Variants in NCOA2 observed in about 807,000 individuals in gnomAD.
NCOA2 encodes nuclear receptor coactivator 2.
NCOA2 carries 21 observed loss-of-function variants against 145.1 expected under a neutral mutation model. The observed-to-expected ratio is 0.14, with a 90% CI of 0.10 to 0.21. The LOEUF (loss-of-function observed/expected upper bound fraction) is 0.21, where lower values mean the gene tolerates loss of function less well. NCOA2 is among the 10% of genes least tolerant of loss of function. NCOA2 has a pLI of 1.00. For missense variants in NCOA2, 1,472 were observed against 1,837.6 expected (o/e 0.80, Z 3.64); for synonymous variants, 619 against 637.5 (o/e 0.97, Z 0.44).
At chr8:70,419,528 T>C in the NCOA2 span, among the ~76,000 whole-genome samples, 1 of 152,074 alleles carries the variant, frequency 6.6e-6, no homozygotes, top group Non-Finnish European at 1.5e-5. Context: ...GCTCTTTTAC[T>C]TTTTTTGCCC....
the NCOA2 span, among the ~76,000 whole-genome samples, chr8:70,433,212 A>G: frequency 6.6e-6 from 1 of 152,232 alleles, no homozygotes; most frequent in African/African-American, 2.4e-5. Context: ...AAGAACATGC[A>G]AGTCTGTAGA....
chr8:70,415,915 T>A, the NCOA2 span, among the ~76,000 whole-genome samples: 1 of 152,248 alleles, frequency 6.6e-6, no homozygotes, highest in Non-Finnish European at 1.5e-5. Flanking sequence ...ATATTCATAA[T>A]GTATTTCTTC....
Position 70,243,791 on chromosome 8 carries a change from G to GAAAAA in NCOA2, c.-19-27032_-19-27028dup, listed in dbSNP as rs200949977. Among the ~76,000 whole-genome samples the GAAAAA allele has an allele frequency of 6.0e-3, 599 of 99,510 alleles. 10 individuals carry two copies. The highest frequency in any genetic ancestry group is 0.019 in the Middle Eastern group (3 of 162). 65.3% of individuals were successfully genotyped at this position (99,510 alleles called of 152,430 possible). A position where few individuals can be genotyped will look rare whatever the true frequency, so the allele number is the denominator to read the frequency against. On this transcript the variant is annotated intron_variant, in intron 2 of 22. Transcript: ENST00000452400. Reference sequence around the variant, plus strand: ...GAAAGAGCAGTGAAAATAAAAAATGGAAAAAAAAAAAAAAAAAGAATGTGG... The same window carrying GAAAAA: ...GAAAGAGCAGTGAAAATAAAAAATGGAAAAAAAAAAAAAAAAAAAAAAGAATGTGG...
At chr8:70,170,104 T>C (rs758610035) in intron 6 of NCOA2, 98 bp downstream of exon 6, 8 of 1,135,616 alleles carry the variant, frequency 7.0e-6, no homozygotes, top group Non-Finnish European at 1.0e-5. Context: ...TGATATAATA[T>C]AGTTTTATTT....
intron 4 of NCOA2, among the ~76,000 whole-genome samples, chr8:70,196,551 C>T (rs939633537): frequency 2.0e-5 from 3 of 152,122 alleles, no homozygotes; most frequent in Non-Finnish European, 4.4e-5. Context: ...CTTCCTTAAC[C>T]TATAATGCCT....
intron 1 of NCOA2, among the ~76,000 whole-genome samples, chr8:70,402,975 C>A (rs1365272410): frequency 6.9e-6 from 1 of 144,478 alleles, no homozygotes; most frequent in East Asian, 2.0e-4. Context: ...GTGCTCGGCG[C>A]CCCTCGCCCC....
intron 2 of NCOA2, among the ~76,000 whole-genome samples, chr8:70,224,707 T>TA (rs1181510622): frequency 6.6e-6 from 1 of 152,038 alleles, no homozygotes; most frequent in East Asian, 1.9e-4. Flanking sequence ...CTTTGAGTCT[T>TA]AGTTTTCACA....
At chr8:70,417,202 G>A in the NCOA2 span, among the ~76,000 whole-genome samples, 2 of 137,716 alleles carry the variant, frequency 1.5e-5, no homozygotes, top group South Asian at 2.4e-4. Flanking sequence ...GAGGCCAGGA[G>A]CTTGAGATCA....
At chr8:70,417,245 T>TAAAA in the NCOA2 span, among the ~76,000 whole-genome samples, 138 of 77,990 alleles carry the variant, frequency 1.8e-3, 11 homozygotes, top group African/African-American at 0.012. Context: ...TCGTCTCTAT[T>TAAAA]AAAAAAAAAA....
chr8:70,227,975 A>C (rs1030743478), intron 2 of NCOA2, among the ~76,000 whole-genome samples: 18 of 144,940 alleles, frequency 1.2e-4, no homozygotes, highest in African/African-American at 4.6e-4. Flanking sequence ...ATTGCACTCC[A>C]GCCTGGGCGA....
At chr8:70,434,697 A>G in the NCOA2 span, among the ~76,000 whole-genome samples, 495 of 152,186 alleles carry the variant, frequency 3.3e-3, 1 homozygote, top group Non-Finnish European at 6.0e-3. Context: ...GCCTCCAAGT[A>G]GCTAGAACTA....
intron 1 of NCOA2, among the ~76,000 whole-genome samples, chr8:70,335,125 A>AAAG: frequency 1.0e-5 from 1 of 98,194 alleles, no homozygotes; most frequent in Non-Finnish European, 1.8e-5. Context: ...TCCATCTCAA[A>AAAG]AAAAAAAAAA....
chr8:70,160,500 TA>T (rs397948517), intron 9 of NCOA2, among the ~76,000 whole-genome samples: 2 of 151,038 alleles, frequency 1.3e-5, no homozygotes, highest in East Asian at 1.9e-4. Context: ...TCAATTCAGT[TA>T]AAAAAAAAGA....
chr8:70,146,933 G>T (rs1469611588), intron 12 of NCOA2, among the ~76,000 whole-genome samples: 1 of 151,666 alleles, frequency 6.6e-6, no homozygotes, highest in Middle Eastern at 3.4e-3. Context: ...TCAGGTGATC[G>T]ACCTGCCTCA....
chr8:70,139,781 T>A (rs1810170935), intron 14 of NCOA2, among the ~76,000 whole-genome samples: 1 of 150,682 alleles, frequency 6.6e-6, no homozygotes, highest in Admixed American at 6.7e-5. Context: ...ACCTCCTGAG[T>A]AGCTGGGATT....
At chr8:70,166,508 G>T (rs949618143) in intron 7 of NCOA2, 58 bp downstream of exon 7, 85 of 1,562,872 alleles carry the variant, frequency 5.4e-5, no homozygotes, top group Non-Finnish European at 7.3e-5. Flanking sequence ...AAGTGTGAAG[G>T]AAGTAGCACA....
At chr8:70,268,453 G>A (rs1012378431) in intron 2 of NCOA2, among the ~76,000 whole-genome samples, 8 of 152,066 alleles carry the variant, frequency 5.3e-5, no homozygotes, top group African/African-American at 1.9e-4. Flanking sequence ...CAGTTTACAG[G>A]CAAAATCTTA....
chr8:70,193,365 AAAAGGTTT>A (rs1586037170), intron 4 of NCOA2, among the ~76,000 whole-genome samples: 1 of 152,192 alleles, frequency 6.6e-6, no homozygotes, highest in African/African-American at 2.4e-5. Context: ...TCAGAAAAAG[AAAAGGTTT>A]AAAGGTTAAA....
chr8:70,256,283 G>A (rs1823629583), intron 2 of NCOA2, among the ~76,000 whole-genome samples: 1 of 152,140 alleles, frequency 6.6e-6, no homozygotes, highest in Admixed American at 6.5e-5. Context: ...CAAGGAAATG[G>A]AGGCAGATTT....
Sources: allele counts gnomAD v4.1 joint callset (sites outside exome capture counted in the v4.1 genomes callset), GRCh38; gene constraint gnomAD v4.1.1; transcripts MANE v1.5; gene names NCBI Gene and HGNC (gene_info 2026-07-23, HGNC 2026-07-21).